Variants in PSG5 observed in about 807,000 individuals in gnomAD.
PSG5 encodes the protein pregnancy-specific beta-1-glycoprotein 5.
PSG5 carries 53 observed loss-of-function variants against 37.7 expected under a neutral mutation model. The observed-to-expected ratio is 1.41, with a 90% CI of 1.13 to 1.77. PSG5 has a LOEUF of 1.77. Ranked by LOEUF, PSG5 falls within the 40% of genes most tolerant of loss-of-function variation. The pLI, the probability that PSG5 is intolerant of heterozygous loss-of-function variation, is 0.00. For missense variants in PSG5, 547 were observed against 405.2 expected, an observed-to-expected ratio of 1.35 and a Z score of -3.00; for synonymous variants, 221 against 155.4, an observed-to-expected ratio of 1.42 and a Z score of -3.14.
At position 43,184,819 on chromosome 19, in the gene PSG5, A is replaced by G; in HGVS notation, c.393T>C (p.Thr131=). ...AGGTGAAATATCCAGTTACTCCTCT[A>G]GTCCTATCACCTCGCTTTATGATGT... is the stretch of plus-strand genomic sequence containing the variant. ...TLHIIKRGDR[T]RGVTGYFTFN... Residue 131 remains threonine (T), a synonymous_variant, in exon 2 of 6, where the codon ACT becomes ACC. Transcript: ENST00000342951. 6.2e-7 allele frequency: 1 copy of G among 1,612,418 alleles called. No homozygotes were observed. The highest frequency in any genetic ancestry group is 8.5e-7 in the Non-Finnish European group (1 of 1,179,074).
At chr19:43,180,533 C>T (rs945297274) in intron 2 of PSG5, 2 of 151,308 alleles carry the variant, frequency 1.3e-5, no homozygotes, top group Admixed American at 6.6e-5. Flanking sequence ...ATGCTCAATT[C>T]GTAATACTGT....
chr19:43,170,526 G>A, intron 4 of PSG5: 1 of 440,324 alleles, frequency 2.3e-6, no homozygotes, highest in Non-Finnish European at 4.5e-6. Context: ...ATGGCAGGGA[G>A]CTGATTGACA....
At position 43,183,160 on chromosome 19, in the gene PSG5, C is replaced by A. The variant is rs540833691; in HGVS notation, c.430+1622G>T. 1.9e-4 allele frequency: 50 copies of A among 268,670 alleles called. 1 individual carries two copies. Among genetic ancestry groups the A allele is most frequent in the Non-Finnish European group, 3.3e-4 (45 of 135,622 alleles). 16.6% of individuals were successfully genotyped at this position (268,670 alleles called of 1,614,324 possible). ...GTGAGGGAGACACTGACTTCAGAGA[C>A]CCCAGGGACCAGCTGCCCCCAGTTC... On this transcript the variant is annotated intron_variant, in intron 2 of 5. Transcript: ENST00000342951.
At chr19:43,184,740 C>T in intron 2 of PSG5, 42 bp downstream of exon 2, 3 of 1,601,794 alleles carry the variant, frequency 1.9e-6, no homozygotes, top group Non-Finnish European at 2.6e-6. Flanking sequence ...GTAGAAATGA[C>T]CCCTGTCCCC....
intron 2 of PSG5, among the ~76,000 whole-genome samples, chr19:43,183,734 G>A (rs1201194108): frequency 6.6e-6 from 1 of 150,654 alleles, no homozygotes; most frequent in African/African-American, 2.4e-5. Context: ...AATGACTATG[G>A]GGTCCTTGGA....
At chr19:43,181,651 A>G (rs1212241143) in intron 2 of PSG5, among the ~76,000 whole-genome samples, 2 of 151,538 alleles carry the variant, frequency 1.3e-5, no homozygotes, top group African/African-American at 2.4e-5. Flanking sequence ...GTAGAGACGG[A>G]GTTTCAACAT....
At chr19:43,186,206 G>A (rs1277563186) in intron 1 of PSG5, 136 bp downstream of exon 1, 1 of 1,455,554 alleles carries the variant, frequency 6.9e-7, no homozygotes. Flanking sequence ...TTGAACTCCT[G>A]ATCTCATAAT....
At chr19:43,171,053 A>G (rs1487555235) in intron 4 of PSG5, 1 of 151,546 alleles carries the variant, frequency 6.6e-6, no homozygotes, top group Non-Finnish European at 1.5e-5. Flanking sequence ...CCTGTGCTAA[A>G]TACTTTACCT....
At chr19:43,181,076 G>T (rs190851001) in intron 2 of PSG5, among the ~76,000 whole-genome samples, 1 of 151,474 alleles carries the variant, frequency 6.6e-6, no homozygotes, top group African/African-American at 2.4e-5. Context: ...CCAATGGCTC[G>T]TGTGTCTCCC....
chr19:43,182,488 A>G (rs1969149156), intron 2 of PSG5, among the ~76,000 whole-genome samples: 1 of 151,386 alleles, frequency 6.6e-6, no homozygotes, highest in Admixed American at 6.6e-5. Flanking sequence ...GGCAGATTCG[A>G]GCACAAACAG....
Position 43,171,639 on chromosome 19 carries a change from GA to G in PSG5, c.965-1502del, listed in dbSNP as rs1968906955. On this transcript the variant is annotated intron_variant, in intron 4 of 5. Transcript: ENST00000342951. ...GACAACCATTAACTAGATTGACTAA[GA>G]AAAAAAGAGAAAAGTTTAAAATTAC... 8 of 723,848 alleles carry G rather than the reference GA, an allele frequency of 1.1e-5. 1 individual carries two copies. The highest frequency in any genetic ancestry group is 1.2e-5 in the Non-Finnish European group (6 of 512,928). 44.8% of individuals were successfully genotyped at this position (723,848 alleles called of 1,614,324 possible).
rs534568803 is a variant in PSG5 at position 43,182,705 on chromosome 19, ATTTTT to A, written c.430+2072_430+2076del. 5.1e-5 allele frequency among the ~76,000 whole-genome samples: 3 copies of A among 58,498 alleles called. 1 individual carries two copies. The highest frequency in any genetic ancestry group is 1.0e-4 in the Non-Finnish European group (3 of 29,436). 38.4% of individuals were successfully genotyped at this position (58,498 alleles called of 152,430 possible). A position where few individuals can be genotyped will look rare whatever the true frequency, so the allele number is the denominator to read the frequency against. On this transcript the variant is annotated intron_variant, in intron 2 of 5. Coordinates refer to ENST00000342951, the MANE Select transcript of PSG5 (RefSeq NM_002781.4). ...TTGACTAGAAACCAACATTTCAATA[ATTTTT>A]TTTTTTTTTTTTTGTGCAGGAGGCC... is the stretch of plus-strand genomic sequence containing the variant.
intron 3 of PSG5, 111 bp from the exon 4 acceptor site, chr19:43,175,580 C>T (rs1599747499): frequency 6.8e-7 from 1 of 1,477,554 alleles, no homozygotes; most frequent in Non-Finnish European, 9.1e-7. Context: ...CCTCAAGTCC[C>T]AGCCGAACCC....
intron 2 of PSG5, among the ~76,000 whole-genome samples, chr19:43,183,795 C>G (rs1969183309): frequency 6.6e-6 from 1 of 151,490 alleles, no homozygotes; most frequent in Non-Finnish European, 1.5e-5. Flanking sequence ...TGGCTGCAGA[C>G]AGACCTCATG....
In PSG5 at chr19:43,184,816, T is replaced by C. The variant is rs753057167; in HGVS notation, c.396A>G (p.Arg132=). The change falls in exon 2 of 6, where the codon AGA becomes AGG. Residue 132 remains arginine (R), a synonymous_variant. Coordinates refer to ENST00000342951, the MANE Select transcript of PSG5 (RefSeq NM_002781.4). ...LHIIKRGDRT[R]GVTGYFTFNL... ...TGAAGGTGAAATATCCAGTTACTCCTCTAGTCCTATCACCTCGCTTTATGA... is the reference window on the plus strand; with the variant it reads ...TGAAGGTGAAATATCCAGTTACTCCCCTAGTCCTATCACCTCGCTTTATGA... 1.2e-6 allele frequency: 2 copies of C among 1,612,292 alleles called. No homozygotes were observed. The highest frequency in any genetic ancestry group is 1.6e-4 in the Middle Eastern group (1 of 6,074).
intron 4 of PSG5, among the ~76,000 whole-genome samples, chr19:43,173,505 A>C (rs886317021): frequency 6.6e-6 from 1 of 151,776 alleles, no homozygotes; most frequent in Non-Finnish European, 1.5e-5. Context: ...AGTCAACAAC[A>C]GCAAACATCC....
chr19:43,176,448 A>C (rs1009458895), intron 2 of PSG5, among the ~76,000 whole-genome samples: 38 of 151,592 alleles, frequency 2.5e-4, no homozygotes, highest in East Asian at 7.7e-4. Flanking sequence ...CAGTCCCTCC[A>C]TAATCAGTTG....
intron 2 of PSG5, among the ~76,000 whole-genome samples, chr19:43,184,038 G>A (rs966104920): frequency 1.1e-4 from 17 of 151,666 alleles, no homozygotes; most frequent in South Asian, 2.1e-4. Flanking sequence ...GCACCTTTAC[G>A]TCAGATCCCT....
At chr19:43,171,605 A>T in intron 4 of PSG5, 1 of 512,010 alleles carries the variant, frequency 2.0e-6, no homozygotes, top group Non-Finnish European at 3.1e-6. Context: ...AAATAAAATC[A>T]ACAAAATTGA....
Sources: gnomAD v4.1 joint callset for allele counts (sites outside exome capture counted in the v4.1 genomes callset) on GRCh38, gnomAD v4.1.1 for gene constraint, MANE v1.5 for transcripts, NCBI Gene and HGNC (gene_info 2026-07-23, HGNC 2026-07-21) for gene names.